Variants in NPAS3 observed in about 807,000 individuals in gnomAD.
The protein encoded by NPAS3 is neuronal PAS domain-containing protein 3.
Under a neutral mutation model 73.1 loss-of-function variants are expected in NPAS3, and 14 were observed. The observed-to-expected ratio is 0.19, with a 90% CI of 0.13 to 0.30. The LOEUF is 0.30. Ranked by LOEUF, NPAS3 falls within the 10% of genes least tolerant of loss-of-function variation. The probability of loss-of-function intolerance (pLI) is 1.00; values close to 1 mark genes in which losing one functional copy is unlikely to be tolerated. For synonymous variants in NPAS3, 620 were observed against 541.5 expected (o/e 1.14, Z -2.01); for missense variants, 1,096 against 1,250.0 (o/e 0.88, Z 1.86).
chr14:33,736,236 A>G (rs1000004943), intron 7 of NPAS3, among the ~76,000 whole-genome samples: 1 of 152,218 alleles, frequency 6.6e-6, no homozygotes, highest in South Asian at 2.1e-4. Flanking sequence ...GGTAACAGCC[A>G]GTATCATTAG....
chr14:33,727,008 A>G (rs150980619), intron 6 of NPAS3, among the ~76,000 whole-genome samples: 1 of 152,262 alleles, frequency 6.6e-6, no homozygotes, highest in African/African-American at 2.4e-5. Flanking sequence ...TGTAGTTAGT[A>G]ATAGAGCTTT....
At position 33,678,754 on chromosome 14, in the gene NPAS3, GA is replaced by G. The variant is rs33960834; in HGVS notation, c.733+2382del. Among the ~76,000 whole-genome samples the G allele has an allele frequency of 6.6e-4, 96 of 146,342 alleles. 1 individual carries two copies. Among genetic ancestry groups the G allele is most frequent in the Admixed American group, 5.4e-4 (8 of 14,774 alleles). On this transcript the variant is annotated intron_variant, in intron 6 of 11. Transcript: ENST00000356141. ...ACATGTTGACAGTGAGACTTTGGGA[GA>G]AAAAAAAAAAAATCCACAGCCTGTA...
rs149994823 is a variant in NPAS3, at chr14:33,423,998, A to C, written c.468+56730A>C. ...TCCAGCAAAGTGCTCAACTCTGGTG[A>C]ACAAAAACAAATATAGGTTGCATGA... On this transcript the variant is annotated intron_variant, in intron 4 of 11. Coordinates refer to ENST00000356141, the Ensembl canonical transcript of NPAS3. Among the ~76,000 whole-genome samples the C allele has an allele frequency of 3.4e-3, 519 of 152,138 alleles. 6 individuals are homozygous for C. The highest frequency in any genetic ancestry group is 0.012 in the African/African-American group (500 of 41,532).
intron 5 of NPAS3, among the ~76,000 whole-genome samples, chr14:33,643,410 G>GA (rs1764358078): frequency 6.8e-6 from 1 of 146,040 alleles, no homozygotes; most frequent in Non-Finnish European, 1.5e-5. Flanking sequence ...GAGAGAGATG[G>GA]AGCAAGAGGG....
At chr14:33,477,884 C>T (rs575487458) in intron 4 of NPAS3, among the ~76,000 whole-genome samples, 2 of 152,300 alleles carry the variant, frequency 1.3e-5, no homozygotes, top group South Asian at 4.1e-4. Context: ...CTTCTGTGGT[C>T]ATTATCTTGG....
intron 1 of NPAS3, among the ~76,000 whole-genome samples, chr14:32,967,160 C>T (rs930519095): frequency 6.6e-6 from 1 of 152,144 alleles, no homozygotes; most frequent in African/African-American, 2.4e-5. Flanking sequence ...TTCTCTTCCT[C>T]CTCAGCCTAC....
chr14:33,512,630 C>G (rs910507883), intron 4 of NPAS3, among the ~76,000 whole-genome samples: 2 of 152,036 alleles, frequency 1.3e-5, no homozygotes, highest in Non-Finnish European at 2.9e-5. Context: ...GGTTTGCATT[C>G]TGGTGTGCCT....
chr14:33,404,484 T>C (rs2047579653), intron 4 of NPAS3, among the ~76,000 whole-genome samples: 1 of 152,228 alleles, frequency 6.6e-6, no homozygotes, highest in Non-Finnish European at 1.5e-5. Flanking sequence ...ATTCTTTTTT[T>C]CCCTTTTTCC....
chr14:33,223,789 T>A (rs1262661844), intron 3 of NPAS3, among the ~76,000 whole-genome samples: 2 of 152,068 alleles, frequency 1.3e-5, no homozygotes, highest in East Asian at 3.9e-4. Flanking sequence ...AATTCCCCTG[T>A]ACATGGAGGT....
chr14:33,430,303 T>C (rs1236254545), intron 4 of NPAS3, among the ~76,000 whole-genome samples: 2 of 152,106 alleles, frequency 1.3e-5, no homozygotes, highest in East Asian at 3.9e-4. Context: ...TTCATTTTTC[T>C]CTAGGAAAGC....
intron 5 of NPAS3, among the ~76,000 whole-genome samples, chr14:33,611,924 T>C (rs533962183): frequency 1.3e-5 from 2 of 152,310 alleles, no homozygotes; most frequent in South Asian, 2.1e-4. Flanking sequence ...AATCATACTT[T>C]TAAAAAATTA....
intron 1 of NPAS3, among the ~76,000 whole-genome samples, chr14:33,035,208 G>A (rs1292159725): frequency 6.6e-6 from 1 of 152,092 alleles, no homozygotes; most frequent in Non-Finnish European, 1.5e-5. Context: ...TTCACTAAAT[G>A]GGCAAGCAAA....
At chr14:33,081,119 T>A (rs1327372214) in intron 2 of NPAS3, among the ~76,000 whole-genome samples, 1 of 152,160 alleles carries the variant, frequency 6.6e-6, no homozygotes, top group African/African-American at 2.4e-5. Flanking sequence ...TTCCCCATAA[T>A]AACGTTTGTC....
At chr14:33,053,900 A>G (rs2040796737) in intron 1 of NPAS3, among the ~76,000 whole-genome samples, 1 of 152,218 alleles carries the variant, frequency 6.6e-6, no homozygotes, top group Non-Finnish European at 1.5e-5. Context: ...AATTGTTCAT[A>G]GTCAAATACT....
chr14:33,408,376 T>C (rs1257611489), intron 4 of NPAS3, among the ~76,000 whole-genome samples: 1 of 152,134 alleles, frequency 6.6e-6, no homozygotes, highest in Non-Finnish European at 1.5e-5. Context: ...GATTCCACCT[T>C]GTCATAACCT....
intron 7 of NPAS3, among the ~76,000 whole-genome samples, chr14:33,760,368 A>G (rs997987225): frequency 6.6e-6 from 1 of 152,108 alleles, no homozygotes; most frequent in Non-Finnish European, 1.5e-5. Context: ...TGTCCTTTTC[A>G]TTGCTGTATC....
At chr14:33,801,365 GT>G, downstream of NPAS3, 1 of 596,900 alleles carries the variant, frequency 1.7e-6, no homozygotes, top group South Asian at 2.2e-5. Flanking sequence ...GTGTTGGGTT[GT>G]TTTGCTTTCC....
At chr14:33,445,293 T>G (rs2049435667) in intron 4 of NPAS3, among the ~76,000 whole-genome samples, 1 of 152,234 alleles carries the variant, frequency 6.6e-6, no homozygotes, top group Non-Finnish European at 1.5e-5. Context: ...ACATTTTACA[T>G]ATTACTATAT....
chr14:32,961,304 C>T (rs931859110), intron 1 of NPAS3, among the ~76,000 whole-genome samples: 3 of 149,778 alleles, frequency 2.0e-5, no homozygotes, highest in Admixed American at 6.7e-5. Context: ...CCCAGCTGTT[C>T]GAAAGGCTGA....
Sources: allele counts gnomAD v4.1 joint callset (sites outside exome capture counted in the v4.1 genomes callset), GRCh38; gene constraint gnomAD v4.1.1; transcripts MANE v1.5; gene names NCBI Gene and HGNC (gene_info 2026-07-23, HGNC 2026-07-21).